RBMS3: variants seen among roughly 807,000 people sequenced by gnomAD.
RBMS3 encodes the protein RNA binding motif single stranded interacting protein 3.
Under a neutral mutation model 66.8 loss-of-function variants are expected in RBMS3, and 27 were observed. That is an observed-to-expected ratio of 0.40 (90% CI 0.30 to 0.56). The LOEUF is 0.56. Among genes scored for constraint, RBMS3 ranks in the 20% least tolerant of loss-of-function variants. The probability of loss-of-function intolerance (pLI) is 0.40; values close to 1 mark genes in which losing one functional copy is unlikely to be tolerated. For synonymous variants in RBMS3, 188 were observed against 183.0 expected (o/e 1.03, Z -0.22); for missense variants, 513 against 549.5 (o/e 0.93, Z 0.66).
intron 2 of RBMS3, among the ~76,000 whole-genome samples, chr3:29,444,764 A>G (rs2041755013): frequency 3.8e-5 from 4 of 104,736 alleles, no homozygotes; most frequent in African/African-American, 9.6e-5. Context: ...TCACTCAACA[A>G]TTCTTTCAAG....
At chr3:29,462,743 A>C (rs140684649) in intron 2 of RBMS3, among the ~76,000 whole-genome samples, 1 of 152,244 alleles carries the variant, frequency 6.6e-6, no homozygotes, top group Non-Finnish European at 1.5e-5. Context: ...GTTGAGAATG[A>C]TAACTCTATA....
intron 5 of RBMS3, among the ~76,000 whole-genome samples, chr3:29,749,587 A>G (rs771515541): frequency 3.9e-5 from 6 of 152,172 alleles, no homozygotes; most frequent in African/African-American, 7.2e-5. Context: ...TGTAATACCT[A>G]TATGAATTGG....
chr3:29,773,257 A>G (rs2056287204), intron 6 of RBMS3, among the ~76,000 whole-genome samples: 1 of 152,062 alleles, frequency 6.6e-6, no homozygotes, highest in Non-Finnish European at 1.5e-5. Flanking sequence ...TAAATCTTTC[A>G]TCTGAAAGCT....
intron 4 of RBMS3, among the ~76,000 whole-genome samples, chr3:29,718,164 T>C (rs59944699): frequency 0.35 from 53,315 of 151,868 alleles, 9,442 homozygotes; most frequent in East Asian, 0.44. Flanking sequence ...ATTGTAATGA[T>C]AAAAATAGAA....
intron 4 of RBMS3, among the ~76,000 whole-genome samples, chr3:29,735,587 A>ATAC: frequency 6.6e-6 from 1 of 152,324 alleles, no homozygotes; most frequent in South Asian, 2.1e-4. Flanking sequence ...TGTGTGTAGA[A>ATAC]TACTAGCTAA....
intron 6 of RBMS3, among the ~76,000 whole-genome samples, chr3:29,831,500 T>C (rs1221821697): frequency 6.6e-6 from 1 of 152,090 alleles, no homozygotes; most frequent in African/African-American, 2.4e-5. Context: ...AAGATAAATG[T>C]ACACAGTAAG....
At chr3:29,757,535 G>A (rs1332651766) in intron 5 of RBMS3, among the ~76,000 whole-genome samples, 1 of 152,172 alleles carries the variant, frequency 6.6e-6, no homozygotes, top group African/African-American at 2.4e-5. Flanking sequence ...GCTGCACACT[G>A]AAATCACCTG....
chr3:29,577,772 G>A (rs1198773185), intron 3 of RBMS3, among the ~76,000 whole-genome samples: 2 of 152,148 alleles, frequency 1.3e-5, no homozygotes, highest in Non-Finnish European at 2.9e-5. Flanking sequence ...TTGCTGCATG[G>A]CTCACTACCT....
At chr3:29,625,964 G>A (rs926362255) in intron 4 of RBMS3, among the ~76,000 whole-genome samples, 7 of 152,130 alleles carry the variant, frequency 4.6e-5, no homozygotes, top group African/African-American at 1.7e-4. Context: ...GAAGTTACTG[G>A]GAAAAGAACA....
At chr3:29,400,771 G>C (rs1008717751) in intron 1 of RBMS3, among the ~76,000 whole-genome samples, 1 of 151,984 alleles carries the variant, frequency 6.6e-6, no homozygotes, top group African/African-American at 2.4e-5. Context: ...CTTGATAGAT[G>C]TTTTCAAGTT....
At chr3:29,363,815 AC>A (rs1338061869) in intron 1 of RBMS3, among the ~76,000 whole-genome samples, 3 of 140,508 alleles carry the variant, frequency 2.1e-5, no homozygotes, top group Non-Finnish European at 4.7e-5. Context: ...AAAAAAAAAA[AC>A]CTGTTTTTTA....
intron 4 of RBMS3, among the ~76,000 whole-genome samples, chr3:29,700,052 C>CT (rs1345909161): frequency 6.6e-6 from 1 of 152,172 alleles, no homozygotes; most frequent in Non-Finnish European, 1.5e-5. Context: ...ATTGAACTCT[C>CT]TAAGAGACTT....
At chr3:29,829,506 G>A (rs960729336) in intron 6 of RBMS3, among the ~76,000 whole-genome samples, 25 of 152,020 alleles carry the variant, frequency 1.6e-4, no homozygotes, top group African/African-American at 3.9e-4. Flanking sequence ...CTTCTATTTC[G>A]CTTCTCCAGA....
chr3:29,353,487 G>A (rs918469036), intron 1 of RBMS3, among the ~76,000 whole-genome samples: 1 of 151,782 alleles, frequency 6.6e-6, no homozygotes, highest in African/African-American at 2.4e-5. Flanking sequence ...TTGAAGCTGG[G>A]CATTTTTGCT....
At chr3:29,910,777 G>A (rs2060495546) in intron 10 of RBMS3, among the ~76,000 whole-genome samples, 1 of 151,562 alleles carries the variant, frequency 6.6e-6, no homozygotes, top group Non-Finnish European at 1.5e-5. Flanking sequence ...ATACGTATAT[G>A]TATATAATTT....
intron 1 of RBMS3, among the ~76,000 whole-genome samples, chr3:29,431,740 T>G (rs1262018057): frequency 1.3e-5 from 2 of 152,132 alleles, no homozygotes; most frequent in African/African-American, 4.8e-5. Context: ...TTTTTATTTT[T>G]TCTGAGACTG....
chr3:29,860,816 A>T (rs116897674), intron 6 of RBMS3, among the ~76,000 whole-genome samples: 1 of 152,186 alleles, frequency 6.6e-6, no homozygotes, highest in Non-Finnish European at 1.5e-5. Flanking sequence ...TTTTTAATGT[A>T]CAAGTCACCC....
rs2060118464 is a variant in RBMS3 at position 29,896,084 on chromosome 3, G to T, written c.792-1295G>T. On this transcript the variant is annotated intron_variant, in intron 8 of 14. Coordinates refer to ENST00000383767, the MANE Select transcript of RBMS3 (RefSeq NM_001003793.3). Reference sequence around the variant, plus strand: ...TATTTTTTTTTACCCAAAAGAGTATGATCTTATCAAATCATTGTTAAGAGT... The same window carrying T: ...TATTTTTTTTTACCCAAAAGAGTATTATCTTATCAAATCATTGTTAAGAGT... Among the ~76,000 whole-genome samples the T allele has an allele frequency of 2.0e-5, 3 of 151,342 alleles. No homozygotes were observed. In the South Asian group the frequency reaches 6.2e-4, roughly 31 times the overall value.
chr3:29,721,884 G>A (rs2053657296), intron 4 of RBMS3, among the ~76,000 whole-genome samples: 1 of 152,102 alleles, frequency 6.6e-6, no homozygotes, highest in African/African-American at 2.4e-5. Context: ...CATTCTCTCT[G>A]TACACACCTA....
Sources: gnomAD v4.1 joint callset for allele counts (sites outside exome capture counted in the v4.1 genomes callset) on GRCh38, gnomAD v4.1.1 for gene constraint, MANE v1.5 for transcripts, NCBI Gene and HGNC (gene_info 2026-07-23, HGNC 2026-07-21) for gene names.